The following ZNF385D variants were observed in gnomAD, a reference collection of about 807,000 sequenced individuals.
ZNF385D encodes the protein zinc finger protein 659.
In ZNF385D, 15 loss-of-function variants were observed where a neutral mutation model predicts 35.8. The observed-to-expected ratio is 0.42, with a 90% confidence interval of 0.28 to 0.64. The LOEUF is 0.64. ZNF385D is among the 30% of genes least tolerant of loss of function. ZNF385D has a pLI of 0.23. For synonymous variants in ZNF385D, 212 were observed against 186.8 expected, an observed-to-expected ratio of 1.13 and a Z score of -1.10; for missense variants, 474 against 494.6, an observed-to-expected ratio of 0.96 and a Z score of 0.39.
intron 3 of ZNF385D, among the ~76,000 whole-genome samples, chr3:21,982,956 G>C (rs565165415): frequency 6.6e-6 from 1 of 151,948 alleles, no homozygotes; most frequent in Non-Finnish European, 1.5e-5. Context: ...GATCATAGCG[G>C]ATTAGCTTTC....
chr3:21,816,724 A>G (rs543551592), intron 3 of ZNF385D, among the ~76,000 whole-genome samples: 1 of 152,362 alleles, frequency 6.6e-6, no homozygotes, highest in East Asian at 1.9e-4. Flanking sequence ...GCTCATAGAT[A>G]GGAAGAATCA....
At chr3:21,694,042 C>CTGTTTTTTTTTTTTTTTTTTTTTT (rs2067379702) in intron 1 of ZNF385D, among the ~76,000 whole-genome samples, 1 of 22,178 alleles carries the variant, frequency 4.5e-5, no homozygotes, top group African/African-American at 2.1e-4. Context: ...CTACGCCTGG[C>CTGTTTTTTTTTTTTTTTTTTTTTT]TTTTTTTTTT....
At chr3:21,973,948 A>G (rs991583387) in intron 3 of ZNF385D, among the ~76,000 whole-genome samples, 2 of 152,070 alleles carry the variant, frequency 1.3e-5, no homozygotes, top group Non-Finnish European at 2.9e-5. Flanking sequence ...AAGGTATTCT[A>G]TGTTCACAGA....
chr3:21,471,071 A>G (rs1437598347), intron 4 of ZNF385D, among the ~76,000 whole-genome samples: 3 of 152,126 alleles, frequency 2.0e-5, no homozygotes, highest in Non-Finnish European at 4.4e-5. Flanking sequence ...CTCATGTTCT[A>G]AGTCTCTCAA....
chr3:21,846,425 G>A (rs540558657), intron 3 of ZNF385D, among the ~76,000 whole-genome samples: 1 of 152,104 alleles, frequency 6.6e-6, no homozygotes, highest in South Asian at 2.1e-4. Flanking sequence ...GGAAATTACT[G>A]AATTATTAAA....
chr3:21,971,985 A>G (rs1703288870), intron 3 of ZNF385D, among the ~76,000 whole-genome samples: 1 of 151,998 alleles, frequency 6.6e-6, no homozygotes, highest in Non-Finnish European at 1.5e-5. Context: ...TTATCAAGAG[A>G]GGTAGATCCC....
chr3:21,804,647 G>C (rs572771386), intron 3 of ZNF385D, among the ~76,000 whole-genome samples: 3 of 152,196 alleles, frequency 2.0e-5, no homozygotes, highest in East Asian at 3.9e-4. Flanking sequence ...ATTTACCTCT[G>C]GGCAATTCAT....
chr3:21,754,757 G>C (rs968846598), upstream of ZNF385D, among the ~76,000 whole-genome samples: 1 of 151,892 alleles, frequency 6.6e-6, no homozygotes, highest in Admixed American at 6.6e-5. Context: ...CTCCTCACTG[G>C]AATATAATCT....
intron 3 of ZNF385D, among the ~76,000 whole-genome samples, chr3:22,090,089 C>A (rs929272827): frequency 6.6e-6 from 1 of 152,140 alleles, no homozygotes; most frequent in African/African-American, 2.4e-5. Context: ...CTACTTTCCT[C>A]GGCCTCCCAA....
rs4044583 is a variant in ZNF385D, at chr3:21,905,689, A to AATATATATATAT, written c.326-240673_326-240662dup. 1.2e-3 allele frequency among the ~76,000 whole-genome samples: 176 copies of AATATATATATAT among 148,806 alleles called. 1 individual carries two copies. The South Asian group carries it at 0.014, about 12-fold the overall frequency. Reference sequence around the variant, plus strand: ...AGGTTATTCAAGGATCATCTGTGGTAATATATATATATATATATATATTCA... The same window carrying AATATATATATAT: ...AGGTTATTCAAGGATCATCTGTGGTAATATATATATATATATATATATATATATATATATTCA... On this transcript the variant is annotated intron_variant, in intron 3 of 5. Transcript: ENST00000494108.
At chr3:21,771,294 G>A (rs985712769) in intron 3 of ZNF385D, among the ~76,000 whole-genome samples, 7 of 150,132 alleles carry the variant, frequency 4.7e-5, no homozygotes, top group African/African-American at 1.7e-4. Context: ...TTGATCCTTG[G>A]CACAGGCACA....
intron 3 of ZNF385D, among the ~76,000 whole-genome samples, chr3:21,822,791 G>A (rs1209560846): frequency 1.3e-5 from 2 of 151,540 alleles, no homozygotes; most frequent in African/African-American, 2.4e-5. Context: ...AATAAATCTC[G>A]AAAACAATGT....
intron 4 of ZNF385D, among the ~76,000 whole-genome samples, chr3:21,455,769 C>T (rs949934586): frequency 2.6e-5 from 4 of 152,070 alleles, no homozygotes; most frequent in Non-Finnish European, 5.9e-5. Flanking sequence ...AGCTTCTGCA[C>T]AGCAAAAGAA....
chr3:22,341,212 T>C (rs554806862), intron 2 of ZNF385D, among the ~76,000 whole-genome samples: 1 of 152,186 alleles, frequency 6.6e-6, no homozygotes, highest in Non-Finnish European at 1.5e-5. Flanking sequence ...CTCTTCAAAC[T>C]CTTAACATAT....
chr3:22,047,837 T>C (rs570795532), intron 3 of ZNF385D, among the ~76,000 whole-genome samples: 1 of 152,292 alleles, frequency 6.6e-6, no homozygotes, highest in African/African-American at 2.4e-5. Flanking sequence ...TTTTCCATAA[T>C]GGCTGTACTA....
intron 3 of ZNF385D, among the ~76,000 whole-genome samples, chr3:22,144,075 T>C (rs901067628): frequency 4.6e-5 from 7 of 152,186 alleles, no homozygotes; most frequent in African/African-American, 1.7e-4. Context: ...ATTTGTATAA[T>C]GTTTTATAAA....
At chr3:22,109,093 T>C (rs1043791295) in intron 3 of ZNF385D, among the ~76,000 whole-genome samples, 2 of 152,190 alleles carry the variant, frequency 1.3e-5, no homozygotes, top group African/African-American at 4.8e-5. Flanking sequence ...TCTCCATCTA[T>C]AATAACCCCT....
At chr3:22,257,118 A>T (rs1043762905) in intron 2 of ZNF385D, among the ~76,000 whole-genome samples, 1 of 151,798 alleles carries the variant, frequency 6.6e-6, no homozygotes, top group African/African-American at 2.4e-5. Flanking sequence ...TGGGAGACTC[A>T]CAGTTTTGTA....
At chr3:21,869,713 G>T (rs558648942) in intron 3 of ZNF385D, among the ~76,000 whole-genome samples, 1 of 152,068 alleles carries the variant, frequency 6.6e-6, no homozygotes, top group Admixed American at 6.6e-5. Context: ...AATATTTTAT[G>T]AACTGTATTA....
Sources: gnomAD v4.1 joint callset for allele counts (sites outside exome capture counted in the v4.1 genomes callset) on GRCh38, gnomAD v4.1.1 for gene constraint, MANE v1.5 for transcripts, NCBI Gene and HGNC (gene_info 2026-07-23, HGNC 2026-07-21) for gene names.